Variants in PCDH9 observed in about 807,000 individuals in gnomAD.
PCDH9 encodes the protein protocadherin 9, also known as protocadherin-9.
Under a neutral mutation model 70.6 loss-of-function variants are expected in PCDH9, and 24 were observed. That is an observed-to-expected ratio of 0.34 (90% CI 0.25 to 0.48). PCDH9 has a LOEUF of 0.48. Among genes scored for constraint, PCDH9 ranks in the 20% least tolerant of loss-of-function variants. The pLI is 0.99. For synonymous variants in PCDH9, 562 were observed against 558.5 expected (o/e 1.01, Z -0.09); for missense variants, 1,281 against 1,503.6 (o/e 0.85, Z 2.45).
chr13:66,906,441 G>GCC (rs1369286527), intron 2 of PCDH9, among the ~76,000 whole-genome samples: 5 of 152,150 alleles, frequency 3.3e-5, no homozygotes, highest in Non-Finnish European at 5.9e-5. Context: ...TAATATAAGG[G>GCC]CCAACAGTGC....
rs140016606 is a variant in PCDH9, at chr13:66,362,183, AATAG to A, written c.3341-57159_3341-57156del. Among the ~76,000 whole-genome samples the A allele has an allele frequency of 8.8e-3, 1,347 of 152,278 alleles. 4 individuals carry two copies. The highest frequency in any genetic ancestry group is 0.016 in the Non-Finnish European group (1,065 of 68,010). Reference sequence around the variant, plus strand: ...ATAAAATTGATTAATAAAATTGTCAAATAGATAGAGTACCTGTATGTTTTAACAG... The same window carrying A: ...ATAAAATTGATTAATAAAATTGTCAAATAGAGTACCTGTATGTTTTAACAG... On this transcript the variant is annotated intron_variant, in intron 4 of 4. Coordinates refer to ENST00000377865, the MANE Select transcript of PCDH9 (RefSeq NM_203487.3).
At chr13:67,185,521 A>G (rs910790546) in intron 2 of PCDH9, among the ~76,000 whole-genome samples, 3 of 152,146 alleles carry the variant, frequency 2.0e-5, no homozygotes, top group Non-Finnish European at 4.4e-5. Context: ...TTAATCCTAT[A>G]CTTTACTTTC....
chr13:66,945,316 T>A (rs1256472015), intron 2 of PCDH9, among the ~76,000 whole-genome samples: 2 of 152,082 alleles, frequency 1.3e-5, no homozygotes, highest in Admixed American at 1.3e-4. Context: ...TGAGGCATAC[T>A]ATATGAGTTT....
rs139624954 is a variant in PCDH9 at position 67,183,982 on chromosome 13, G to A, written c.3036+41423C>T. Among the ~76,000 whole-genome samples, 453 of 152,288 alleles carry A rather than the reference G, an allele frequency of 3.0e-3. 2 individuals carry two copies. Among genetic ancestry groups the A allele is most frequent in the African/African-American group, 0.01 (420 of 41,552 alleles). ...CAGACATATTTGCAAATCGTCCTAT[G>A]ATCATTCATTGATTCTTCTGTTAAA... On this transcript the variant is annotated intron_variant, in intron 2 of 4. Coordinates refer to ENST00000377865, the MANE Select transcript of PCDH9 (RefSeq NM_203487.3).
chr13:66,730,343 T>G (rs1342967839), intron 3 of PCDH9, among the ~76,000 whole-genome samples: 2 of 152,234 alleles, frequency 1.3e-5, no homozygotes, highest in Non-Finnish European at 2.9e-5. Flanking sequence ...ATTTTAATCT[T>G]CTACTGCATA....
chr13:66,710,334 C>T (rs2078775596), intron 3 of PCDH9, among the ~76,000 whole-genome samples: 1 of 152,074 alleles, frequency 6.6e-6, no homozygotes, highest in South Asian at 2.1e-4. Context: ...GAATGCTTTG[C>T]TCTATTCTGG....
At chr13:66,720,326 G>GT (rs66600272) in intron 3 of PCDH9, among the ~76,000 whole-genome samples, 35,814 of 131,642 alleles carry the variant, frequency 0.27, 5,982 homozygotes, top group East Asian at 0.5. Flanking sequence ...TTGCTTTTTT[G>GT]TTTTTTTTTT....
intron 3 of PCDH9, among the ~76,000 whole-genome samples, chr13:66,761,714 A>G (rs1455999171): frequency 4.6e-5 from 7 of 151,870 alleles, no homozygotes; most frequent in Non-Finnish European, 1.0e-4. Context: ...TTTCTGTTTG[A>G]TTTTTATATA....
chr13:66,710,597 C>A (rs1718951500), intron 3 of PCDH9, among the ~76,000 whole-genome samples: 1 of 152,120 alleles, frequency 6.6e-6, no homozygotes, highest in Non-Finnish European at 1.5e-5. Context: ...TTTTATTCTG[C>A]TGTTAAACCT....
At chr13:66,758,788 T>C (rs1285249305) in intron 3 of PCDH9, among the ~76,000 whole-genome samples, 2 of 152,072 alleles carry the variant, frequency 1.3e-5, no homozygotes, top group East Asian at 3.9e-4. Context: ...TACTACTGAT[T>C]CAGTCCCCCT....
At chr13:66,991,642 CAA>C (rs935571192) in intron 2 of PCDH9, among the ~76,000 whole-genome samples, 3 of 151,956 alleles carry the variant, frequency 2.0e-5, no homozygotes, top group African/African-American at 7.2e-5. Context: ...CACCTGAACT[CAA>C]GTCTGAAAAA....
At chr13:66,719,168 C>G (rs1002709599) in intron 3 of PCDH9, among the ~76,000 whole-genome samples, 1 of 152,176 alleles carries the variant, frequency 6.6e-6, no homozygotes, top group East Asian at 1.9e-4. Context: ...ATAGCCGTAG[C>G]TGGGCTTTGG....
intron 4 of PCDH9, among the ~76,000 whole-genome samples, chr13:66,500,237 C>T (rs943918045): frequency 2.0e-5 from 3 of 152,086 alleles, no homozygotes; most frequent in African/African-American, 7.2e-5. Context: ...TTGCATGTCT[C>T]AGGATTTCTG....
chr13:66,861,906 A>G (rs1007101644), intron 3 of PCDH9, among the ~76,000 whole-genome samples: 1 of 152,208 alleles, frequency 6.6e-6, no homozygotes, highest in African/African-American at 2.4e-5. Flanking sequence ...CTTGTGGAAA[A>G]AAAAATATTG....
chr13:66,966,099 T>C (rs544315070), intron 2 of PCDH9, among the ~76,000 whole-genome samples: 2 of 152,280 alleles, frequency 1.3e-5, no homozygotes, highest in African/African-American at 4.8e-5. Flanking sequence ...TACTTGGCTC[T>C]TCTTATTTCT....
intron 3 of PCDH9, among the ~76,000 whole-genome samples, chr13:66,778,453 G>C (rs1008572163): frequency 6.6e-6 from 1 of 151,990 alleles, no homozygotes; most frequent in Non-Finnish European, 1.5e-5. Flanking sequence ...AATTATTTGC[G>C]TCTCATTCCT....
At chr13:67,077,899 G>C (rs1158623783) in intron 2 of PCDH9, among the ~76,000 whole-genome samples, 1 of 151,950 alleles carries the variant, frequency 6.6e-6, no homozygotes, top group Non-Finnish European at 1.5e-5. Flanking sequence ...AGTCCTAAAT[G>C]ATAATTCTTT....
intron 4 of PCDH9, among the ~76,000 whole-genome samples, chr13:66,516,595 C>T (rs555725767): frequency 1.3e-5 from 2 of 152,120 alleles, no homozygotes; most frequent in African/African-American, 4.8e-5. Flanking sequence ...GTGAGCAATT[C>T]AGTATTTTGA....
At chr13:66,726,198 T>C (rs1183336337) in intron 3 of PCDH9, among the ~76,000 whole-genome samples, 1 of 152,092 alleles carries the variant, frequency 6.6e-6, no homozygotes, top group Admixed American at 6.6e-5. Context: ...TAATCTTTCT[T>C]TAAAATTTGA....
Sources: allele counts gnomAD v4.1 joint callset (sites outside exome capture counted in the v4.1 genomes callset), GRCh38; gene constraint gnomAD v4.1.1; transcripts MANE v1.5; gene names NCBI Gene and HGNC (gene_info 2026-07-23, HGNC 2026-07-21).